The following PTGIS variants were observed in gnomAD, a reference collection of about 807,000 sequenced individuals.
PTGIS encodes prostaglandin I2 synthase.
PTGIS carries 45 observed loss-of-function variants against 50.3 expected under a neutral mutation model. The observed-to-expected ratio is 0.90, with a 90% CI of 0.70 to 1.15. The LOEUF (loss-of-function observed/expected upper bound fraction) is 1.15, where lower values mean the gene tolerates loss of function less well. Among genes scored for constraint, PTGIS ranks in the 50% most tolerant of loss-of-function variants. PTGIS has a pLI of 0.00. For missense variants in PTGIS, 668 were observed against 661.3 expected, an observed-to-expected ratio of 1.01 and a Z score of -0.11; for synonymous variants, 260 against 267.7, an observed-to-expected ratio of 0.97 and a Z score of 0.28.
rs2122831240 is a variant in PTGIS at position 49,507,559 on chromosome 20, C to T, written c.*361G>A. 1 of 376,454 alleles carries T rather than the reference C, an allele frequency of 2.7e-6. No individual in the cohort carries two copies. The highest frequency in any genetic ancestry group is 6.6e-5 in the East Asian group (1 of 15,116). The allele number at this position is 376,454 out of a possible 1,614,324, so 23.3% of individuals were successfully genotyped here. ...CCCGGGCCATGCTAGCTCATAAGAACTAGGAAGGTGACACCTCCGGGAGTT... is the reference window on the plus strand; with the variant it reads ...CCCGGGCCATGCTAGCTCATAAGAATTAGGAAGGTGACACCTCCGGGAGTT... On this transcript the variant is annotated 3_prime_UTR_variant, in exon 10 of 10. Coordinates refer to ENST00000244043, the MANE Select transcript of PTGIS (RefSeq NM_000961.4).
intron 1 of PTGIS, 81 bp downstream of exon 1, chr20:49,567,962 G>T: frequency 7.7e-7 from 1 of 1,306,966 alleles, no homozygotes; most frequent in African/African-American, 1.6e-5. Context: ...GGCCGGCCGC[G>T]GGCTCCGAGA....
chr20:49,556,458 C>T (rs1022363153), intron 1 of PTGIS, among the ~76,000 whole-genome samples: 2 of 151,990 alleles, frequency 1.3e-5, no homozygotes, highest in South Asian at 2.1e-4. Context: ...TCAATTCATA[C>T]AGGTATCTGC....
chr20:49,526,306 A>C (rs1981792227), intron 5 of PTGIS, among the ~76,000 whole-genome samples: 1 of 152,250 alleles, frequency 6.6e-6, no homozygotes, highest in Admixed American at 6.5e-5. Context: ...AAAGAGGCAA[A>C]GAAATTTAAC....
intron 1 of PTGIS, among the ~76,000 whole-genome samples, chr20:49,561,572 A>C (rs1324571378): frequency 6.6e-6 from 1 of 152,232 alleles, no homozygotes; most frequent in Non-Finnish European, 1.5e-5. Flanking sequence ...AGAGCCTGGC[A>C]GACTGGACCC....
rs1292313063 is a variant in PTGIS at position 49,568,090 on chromosome 20, G to C, written c.27C>G (p.Leu9=). 9.4e-6 allele frequency: 13 copies of C among 1,390,136 alleles called. No homozygotes were observed. The East Asian group carries it at 4.4e-4, about 47-fold the overall frequency. The allele number at this position is 1,390,136 out of a possible 1,614,324, so 86.1% of individuals were successfully genotyped here. The stretch of plus-strand genomic sequence containing the variant: ...GCAGCAGCAGCAACAGTGCGGCCAG[G>C]AGGCCGAGGAGCGCGGCCCAAGCCA... MAWAALLG[L]LAALLLLLLL... The change falls in exon 1 of 10, where the codon CTC becomes CTG. Residue 9 remains leucine (L), a synonymous_variant. Transcript: ENST00000244043.
chr20:49,564,854 A>G (rs1190349938), intron 1 of PTGIS, among the ~76,000 whole-genome samples: 3 of 152,242 alleles, frequency 2.0e-5, no homozygotes, highest in East Asian at 3.9e-4. Context: ...AATTACCTCA[A>G]GGCTTGGTCA....
At chr20:49,517,996 G>A (rs1981535587) in intron 6 of PTGIS, among the ~76,000 whole-genome samples, 1 of 152,174 alleles carries the variant, frequency 6.6e-6, no homozygotes, top group African/African-American at 2.4e-5. Context: ...TCAGTCTTGG[G>A]AGCTGTGCTA....
chr20:49,557,923 T>C (rs1982657825), intron 1 of PTGIS, among the ~76,000 whole-genome samples: 1 of 152,110 alleles, frequency 6.6e-6, no homozygotes, highest in Non-Finnish European at 1.5e-5. Flanking sequence ...GCTTTAAGTA[T>C]TGAAACCCTC....
At chr20:49,543,705 C>T (rs1014666838) in intron 4 of PTGIS, among the ~76,000 whole-genome samples, 1 of 152,178 alleles carries the variant, frequency 6.6e-6, no homozygotes, top group Non-Finnish European at 1.5e-5. Context: ...GACCCTGCCT[C>T]GTCAGTCGGC....
intron 5 of PTGIS, among the ~76,000 whole-genome samples, chr20:49,539,286 C>G (rs1300769884): frequency 6.6e-6 from 1 of 152,174 alleles, no homozygotes; most frequent in Non-Finnish European, 1.5e-5. Flanking sequence ...TAAAGCAACT[C>G]AAACCTTAAA....
intron 9 of PTGIS, among the ~76,000 whole-genome samples, chr20:49,508,973 G>A (rs995643256): frequency 4.6e-5 from 7 of 152,184 alleles, no homozygotes; most frequent in Admixed American, 3.3e-4. Flanking sequence ...CAACCCAGGC[G>A]CCCGATGCAG....
At chr20:49,509,911 C>CA (rs1400658697) in intron 9 of PTGIS, among the ~76,000 whole-genome samples, 3 of 108,994 alleles carry the variant, frequency 2.8e-5, no homozygotes, top group African/African-American at 1.1e-4. Context: ...TTTCTGGAGA[C>CA]AGAGTCTCAC....
intron 1 of PTGIS, among the ~76,000 whole-genome samples, chr20:49,551,758 A>ATG: frequency 6.9e-6 from 1 of 144,780 alleles, no homozygotes; most frequent in East Asian, 2.1e-4. Context: ...GTGTGTGTTT[A>ATG]TGTGTGTGTG....
chr20:49,514,305 T>C lies in PTGIS; in HGVS notation c.946A>G (p.Ile316Val), dbSNP rs1311025385. The change falls in exon 7 of 10, where the codon ATC becomes GTC. Residue 316 changes from isoleucine (I) to valine (V), a missense_variant. Physicochemically the swap from Ile to Val is conservative, Grantham distance 29 (BLOSUM62 3). Transcript: ENST00000244043. Reference protein sequence around the residue: ...LAAVRGELESILWQAEQPVSQ... With the variant: ...LAAVRGELESVLWQAEQPVSQ... Reference sequence around the variant, plus strand: ...ACAGGCTGCTCCGCTTGCCAAAGGATACTCTCGAGCTCTCCGCGGACAGCA... The same window carrying C: ...ACAGGCTGCTCCGCTTGCCAAAGGACACTCTCGAGCTCTCCGCGGACAGCA... 2 of 1,614,142 alleles carry C rather than the reference T, an allele frequency of 1.2e-6. No individual in the cohort carries two copies. Among genetic ancestry groups the C allele is most frequent in the Non-Finnish European group, 1.7e-6 (2 of 1,180,044 alleles).
chr20:49,547,716 T>C, intron 3 of PTGIS, 125 bp downstream of exon 3: 1 of 1,120,306 alleles, frequency 8.9e-7, no homozygotes, highest in Non-Finnish European at 1.3e-6. Flanking sequence ...TGTTTCTGTT[T>C]GTGTTCTCAA....
chr20:49,554,972 A>G (rs989836680), intron 1 of PTGIS, among the ~76,000 whole-genome samples: 1 of 152,150 alleles, frequency 6.6e-6, no homozygotes, highest in African/African-American at 2.4e-5. Context: ...TCCTCTCTCA[A>G]AGAATAAAGG....
rs1054206402 is a variant in PTGIS at position 49,505,592 on chromosome 20, C to A, written c.*2328G>T. ...AGGGGGGAGTCATAAGGGTTTTCGC[C>A]CAGCACACCAGGGTTGCAGCCTGCG... On this transcript the variant is annotated 3_prime_UTR_variant, in exon 10 of 10. Transcript: ENST00000244043. The A allele has an allele frequency of 6.6e-6, 1 of 152,580 alleles. No individual in the cohort carries two copies. Among genetic ancestry groups the A allele is most frequent in the Non-Finnish European group, 1.5e-5 (1 of 68,054 alleles). The allele number at this position is 152,580 out of a possible 1,614,324, so 9.5% of individuals were successfully genotyped here.
rs532032824 is a variant in PTGIS at position 49,523,024 on chromosome 20, A to G, written c.855+1034T>C. Among the ~76,000 whole-genome samples, 8 of 152,306 alleles carry G rather than the reference A, an allele frequency of 5.3e-5. No individual in the cohort carries two copies. The East Asian group carries it at 1.5e-3, about 29-fold the overall frequency. ...GGCGACAGAGCAAGACTCCATCTCAAAAAAATAAAAAAATTAAAAGAAAAG... is the reference window on the plus strand; with the variant it reads ...GGCGACAGAGCAAGACTCCATCTCAGAAAAATAAAAAAATTAAAAGAAAAG... On this transcript the variant is annotated intron_variant, in intron 6 of 9. Coordinates refer to ENST00000244043, the MANE Select transcript of PTGIS (RefSeq NM_000961.4).
intron 5 of PTGIS, among the ~76,000 whole-genome samples, chr20:49,527,586 G>A (rs1432246721): frequency 6.6e-6 from 1 of 152,102 alleles, no homozygotes; most frequent in Non-Finnish European, 1.5e-5. Context: ...AGATATGTCG[G>A]GCTGGGAGGA....
Sources: allele counts gnomAD v4.1 joint callset (sites outside exome capture counted in the v4.1 genomes callset), GRCh38; gene constraint gnomAD v4.1.1; transcripts MANE v1.5; gene names NCBI Gene and HGNC (gene_info 2026-07-23, HGNC 2026-07-21).